DNAH2: variants seen among roughly 807,000 people sequenced by gnomAD.
The protein encoded by DNAH2 is axonemal beta dynein heavy chain 2.
Under a neutral mutation model 523.5 loss-of-function variants are expected in DNAH2, and 323 were observed. The ratio of observed to expected loss-of-function variants is 0.62; its 90% CI spans 0.56 to 0.68. DNAH2 has a LOEUF of 0.68. DNAH2 is among the 30% of genes least tolerant of loss of function. The pLI is 0.00. For missense variants in DNAH2, 4,907 were observed against 5,701.5 expected (o/e 0.86, Z 4.49); for synonymous variants, 2,093 against 2,177.4 (o/e 0.96, Z 1.08).
intron 7 of DNAH2, among the ~76,000 whole-genome samples, chr17:7,736,103 G>A (rs1407404702): frequency 1.3e-5 from 2 of 152,046 alleles, no homozygotes; most frequent in Admixed American, 6.6e-5. Context: ...TGTCCAGGCT[G>A]GTCTCAAACT....
chr17:7,733,651 G>A (rs2075057602), intron 5 of DNAH2, among the ~76,000 whole-genome samples: 1 of 151,694 alleles, frequency 6.6e-6, no homozygotes, highest in Non-Finnish European at 1.5e-5. Context: ...CTAATTTTTT[G>A]TATCTTTAGT....
At position 7,786,849 on chromosome 17, in the gene DNAH2, G is replaced by A. The variant is rs753344715; in HGVS notation, c.6467-48G>A. 1.2e-6 allele frequency: 2 copies of A among 1,613,544 alleles called. No individual in the cohort carries two copies. Among genetic ancestry groups the A allele is most frequent in the East Asian group, 2.2e-5 (1 of 44,850 alleles). ...TCTCCGAGGAGCGTGAGCGGAGGGT[G>A]CAAGGTGAGCGGCTCCCCGGTTTCC... On this transcript the variant is annotated intron_variant, in intron 41 of 85. Transcript: ENST00000572933. This position sits in a 1 kb window ranked among gnomAD's most constrained non-coding sequence, Gnocchi z 7.5.
At chr17:7,730,816 A>T (rs769732709) in intron 4 of DNAH2, among the ~76,000 whole-genome samples, 35 of 151,720 alleles carry the variant, frequency 2.3e-4, no homozygotes, top group Non-Finnish European at 3.2e-4. Context: ...AAAAAAATTT[A>T]AAATTTAAAA....
chr17:7,797,266 C>T lies in DNAH2; in HGVS notation c.7949+5C>T. Reference sequence around the variant, plus strand: ...CTGGATCCATGAATGTTTCAGGTGACATGCATGTGCCCTGGCCAAACGAAG... The same window carrying T: ...CTGGATCCATGAATGTTTCAGGTGATATGCATGTGCCCTGGCCAAACGAAG... On this transcript the variant is annotated splice_donor_5th_base_variant and intron_variant, in intron 51 of 85. Transcript: ENST00000572933. The T allele has an allele frequency of 6.2e-7, 1 of 1,614,072 alleles. No homozygotes were observed. The highest frequency in any genetic ancestry group is 1.1e-5 in the South Asian group (1 of 91,072).
At chr17:7,781,845 T>C (rs1444720562) in intron 39 of DNAH2, among the ~76,000 whole-genome samples, 1 of 152,160 alleles carries the variant, frequency 6.6e-6, no homozygotes, top group African/African-American at 2.4e-5. Context: ...GAGGGGCTGC[T>C]AGAAGCCATT....
At chr17:7,771,979 G>T (rs1407823903) in intron 28 of DNAH2, among the ~76,000 whole-genome samples, 1 of 152,146 alleles carries the variant, frequency 6.6e-6, no homozygotes, top group African/African-American at 2.4e-5. Flanking sequence ...GCCTCCCAAA[G>T]TTCTGGGATT....
chr17:7,801,823 C>A, intron 57 of DNAH2, 55 bp from the exon 58 acceptor site: 1 of 1,612,698 alleles, frequency 6.2e-7, no homozygotes, highest in Non-Finnish European at 8.5e-7. Context: ...GCACTCCCAG[C>A]CTCTCTCCCA....
intron 18 of DNAH2, among the ~76,000 whole-genome samples, chr17:7,761,980 C>T (rs577258579): frequency 3.3e-5 from 5 of 151,930 alleles, no homozygotes; most frequent in East Asian, 1.9e-4. Flanking sequence ...ATAAAAGTAT[C>T]GCTGAAAGAG....
intron 23 of DNAH2, 38 bp from the exon 24 acceptor site, chr17:7,768,126 G>A (rs2076220930): frequency 6.2e-7 from 1 of 1,614,074 alleles, no homozygotes; most frequent in Admixed American, 1.7e-5. Flanking sequence ...TTCCCAGGGA[G>A]GTCGTCGGGT....
In DNAH2 at chr17:7,817,357, T is replaced by G. The variant is rs370528101; in HGVS notation, c.9962T>G (p.Met3321Arg). 11 of 1,612,666 alleles carry G rather than the reference T, an allele frequency of 6.8e-6. No homozygotes were observed. Among genetic ancestry groups the G allele is most frequent in the Non-Finnish European group, 9.3e-6 (11 of 1,179,696 alleles). Reference sequence around the variant, plus strand: ...CTGGCAGCTGCCTTCCTGTCCTACATGGGACCCTTCCTGACCAACTACCGG... The same window carrying G: ...CTGGCAGCTGCCTTCCTGTCCTACAGGGGACCCTTCCTGACCAACTACCGG... ...CLLAAAFLSY[M>R]GPFLTNYRDE... is the part of the protein sequence containing the mutation. The change falls in exon 65 of 86, where the codon ATG becomes AGG. Residue 3321 changes from methionine to arginine, a missense_variant. By Grantham distance (91) the Met-to-Arg change is moderately conservative. This residue lies in a region of DNAH2 where 1,851 missense variants were observed against 2,139.4 expected (regional missense o/e 0.87). Transcript: ENST00000572933.
Position 7,802,012 on chromosome 17 carries a change from TAAG to T in DNAH2, c.8971_8972+1del. On this transcript the variant is annotated inframe_deletion and splice_region_variant, in exon 58 of 86. Transcript: ENST00000572933. The stretch of plus-strand genomic sequence containing the variant: ...AATACCTGGAACTCCTGTCTGGATA[TAAG>T]AAGTATGAAGGGGGGCAGGGGATGT... 6.2e-7 allele frequency: 1 copy of T among 1,613,990 alleles called. No homozygotes were observed. The highest frequency in any genetic ancestry group is 8.5e-7 in the Non-Finnish European group (1 of 1,179,936).
At chr17:7,719,127 CTTTTT>C (rs34833123) in intron 1 of DNAH2, among the ~76,000 whole-genome samples, 1 of 136,462 alleles carries the variant, frequency 7.3e-6, no homozygotes. Flanking sequence ...GTCTGGCCAT[CTTTTT>C]TTTTTTTTTT....
chr17:7,729,087 G>A (rs1033569532), intron 4 of DNAH2, among the ~76,000 whole-genome samples: 2 of 151,588 alleles, frequency 1.3e-5, no homozygotes, highest in South Asian at 2.1e-4. Flanking sequence ...TAAAACTACC[G>A]AAAAATTAAA....
rs1414004238 is a variant in DNAH2 at position 7,817,815 on chromosome 17, G to A, written c.10195G>A (p.Ala3399Thr). The change falls in exon 67 of 86, where the codon GCC (alanine) becomes ACC (threonine). Residue 3399 changes from alanine (A) to threonine (T), a missense_variant. Transcript: ENST00000572933. ...GTGGGCACTGATGATCGACCCTCAG[G>A]CCCAGGCCCTGAAATGGATTAAGAA... ...NRWALMIDPQ[A>T]QALKWIKNME... 6 of 1,613,946 alleles carry A rather than the reference G, an allele frequency of 3.7e-6. 1 individual carries two copies. The highest frequency in any genetic ancestry group is 2.2e-5 in the South Asian group (2 of 91,070).
Position 7,805,517 on chromosome 17 carries a change from G to A in DNAH2, c.9442+124G>A, listed in dbSNP as rs950031007. ...CATTGTTCTTACCCTCAAGAGCACA[G>A]GGCCTAGTAGAAAGGAGACCGCATG... On this transcript the variant is annotated intron_variant, in intron 61 of 85. Transcript: ENST00000572933. 2.9e-5 allele frequency: 40 copies of A among 1,393,106 alleles called. No individual in the cohort carries two copies. In the African/African-American group the frequency reaches 5.6e-4, roughly 19 times the overall value. The allele number at this position is 1,393,106 out of a possible 1,614,324, so 86.3% of individuals were successfully genotyped here. A position where few individuals can be genotyped will look rare whatever the true frequency, so the allele number is the denominator to read the frequency against.
chr17:7,743,420 C>T (rs938333807), intron 12 of DNAH2: 6 of 688,198 alleles, frequency 8.7e-6, no homozygotes, highest in Non-Finnish European at 1.6e-5. Context: ...AATCCCAGCA[C>T]TTTGGGAGGC....
chr17:7,727,775 A>G (rs2074869233), intron 4 of DNAH2, among the ~76,000 whole-genome samples: 1 of 151,436 alleles, frequency 6.6e-6, no homozygotes, highest in African/African-American at 2.4e-5. Flanking sequence ...AAAAAAAAAA[A>G]AAAGAATGTT....
chr17:7,746,300 G>A (rs897500044), intron 12 of DNAH2, among the ~76,000 whole-genome samples: 1 of 152,168 alleles, frequency 6.6e-6, no homozygotes, highest in Non-Finnish European at 1.5e-5. Flanking sequence ...AGGGGACCCA[G>A]TTTCACTCTG....
chr17:7,722,089 C>G (rs554278609), intron 2 of DNAH2, among the ~76,000 whole-genome samples: 1 of 152,204 alleles, frequency 6.6e-6, no homozygotes, highest in African/African-American at 2.4e-5. Flanking sequence ...ACCTCTGCCT[C>G]CCGGATTCAA....
Sources: gnomAD v4.1 joint callset for allele counts (sites outside exome capture counted in the v4.1 genomes callset) on GRCh38, gnomAD v4.1.1 for gene constraint, gnomAD v4.1.1 regional missense constraint, Gnocchi (gnomAD v3.1) non-coding constraint, MANE v1.5 for transcripts, NCBI Gene and HGNC (gene_info 2026-07-23, HGNC 2026-07-21) for gene names.